WSCD2: variants seen among roughly 807,000 people sequenced by gnomAD.
The protein encoded by WSCD2 is sialate:O-sulfotransferase 2.
In WSCD2, 28 loss-of-function variants were observed where a neutral mutation model predicts 55.7. The observed-to-expected ratio is 0.50, with a 90% CI of 0.37 to 0.69. The LOEUF (loss-of-function observed/expected upper bound fraction) is 0.69, where lower values mean the gene tolerates loss of function less well. WSCD2 is among the 30% of genes least tolerant of loss of function. The pLI is 0.00. For missense variants in WSCD2, 616 were observed against 762.1 expected, an observed-to-expected ratio of 0.81 and a Z score of 2.26; for synonymous variants, 301 against 301.9, an observed-to-expected ratio of 1.00 and a Z score of 0.03.
intron 1 of WSCD2, among the ~76,000 whole-genome samples, chr12:108,147,571 C>T (rs898505189): frequency 1.3e-5 from 2 of 152,136 alleles, no homozygotes; most frequent in African/African-American, 4.8e-5. Context: ...TTCTTCTAGA[C>T]ACTCAGGTCA....
intron 7 of WSCD2, 72 bp downstream of exon 7, chr12:108,232,967 G>C (rs1355206722): frequency 1.3e-6 from 2 of 1,562,838 alleles, no homozygotes; most frequent in African/African-American, 2.7e-5. Context: ...GGAGGGTATG[G>C]GAATACTCCT....
chr12:108,226,135 G>T (rs566869327), intron 5 of WSCD2, among the ~76,000 whole-genome samples: 1 of 152,092 alleles, frequency 6.6e-6, no homozygotes, highest in African/African-American at 2.4e-5. Context: ...CAGATCCACT[G>T]GCTAGTGGAT....
chr12:108,183,771 A>G (rs2137009085), intron 1 of WSCD2, among the ~76,000 whole-genome samples: 1 of 152,268 alleles, frequency 6.6e-6, no homozygotes, highest in East Asian at 1.9e-4. Flanking sequence ...ACAATGTCAC[A>G]TAGAGGTTAG....
At chr12:108,132,262 T>C (rs1875635987) in intron 1 of WSCD2, among the ~76,000 whole-genome samples, 1 of 152,178 alleles carries the variant, frequency 6.6e-6, no homozygotes, top group African/African-American at 2.4e-5. Flanking sequence ...AATTCCACTG[T>C]GTGCTTGCTT....
chr12:108,136,013 T>C (rs1876171726), intron 1 of WSCD2, among the ~76,000 whole-genome samples: 1 of 152,156 alleles, frequency 6.6e-6, no homozygotes, highest in African/African-American at 2.4e-5. Context: ...TCAGCCAGGG[T>C]CCTGAGCTTT....
intron 1 of WSCD2, among the ~76,000 whole-genome samples, chr12:108,185,107 C>T (rs1010946584): frequency 2.6e-5 from 4 of 152,202 alleles, no homozygotes; most frequent in African/African-American, 9.7e-5. Flanking sequence ...TTGAGGGCCA[C>T]ATTTCCCTGA....
intron 1 of WSCD2, among the ~76,000 whole-genome samples, chr12:108,174,414 C>A (rs1229021216): frequency 1.3e-5 from 2 of 152,224 alleles, no homozygotes; most frequent in African/African-American, 4.8e-5. Context: ...TAGAGACAAT[C>A]ATGGATTTTG....
intron 2 of WSCD2, among the ~76,000 whole-genome samples, chr12:108,205,359 A>G (rs1000001833): frequency 1.8e-4 from 27 of 152,344 alleles, no homozygotes; most frequent in African/African-American, 6.3e-4. Flanking sequence ...CAAGGAGACA[A>G]TGTATGTAAA....
At position 108,210,099 on chromosome 12, in the gene WSCD2, G is replaced by A. The variant is rs1363818827; in HGVS notation, c.498-22G>A. ...GGGTCTCCATGGTGGCAGCTACCCT[G>A]CTTGACAGCAGCCTCCCCCAGGGGT... is the stretch of plus-strand genomic sequence containing the variant. On this transcript the variant is annotated intron_variant, in intron 3 of 8. Coordinates refer to ENST00000547525, the MANE Select transcript of WSCD2 (RefSeq NM_014653.4). This position sits in a 1 kb window ranked among gnomAD's most constrained non-coding sequence, Gnocchi z 4.3. 1.2e-5 allele frequency: 20 copies of A among 1,613,848 alleles called. No homozygotes were observed. Among genetic ancestry groups the A allele is most frequent in the Non-Finnish European group, 1.7e-5 (20 of 1,179,984 alleles).
At position 108,248,915 on chromosome 12, in the gene WSCD2, T is replaced by C. The variant is rs1490175491; in HGVS notation, c.*572T>C. 2.0e-6 allele frequency: 2 copies of C among 987,898 alleles called. No individual in the cohort carries two copies. The highest frequency in any genetic ancestry group is 6.0e-5 in the Admixed American group (1 of 16,776). The allele number at this position is 987,898 out of a possible 1,614,324, so 61.2% of individuals were successfully genotyped here. On this transcript the variant is annotated 3_prime_UTR_variant, in exon 9 of 9. Coordinates refer to ENST00000547525, the MANE Select transcript of WSCD2 (RefSeq NM_014653.4). This position sits in a 1 kb window ranked among gnomAD's most constrained non-coding sequence, Gnocchi z 4.3. Reference sequence around the variant, plus strand: ...CTTAGGTTTCTGACATCCTGGATAGTGTGGGGAGGTAATGGTGCTCACAGT... The same window carrying C: ...CTTAGGTTTCTGACATCCTGGATAGCGTGGGGAGGTAATGGTGCTCACAGT...
intron 6 of WSCD2, among the ~76,000 whole-genome samples, chr12:108,230,441 C>T (rs4497454): frequency 0.18 from 27,929 of 152,078 alleles, 2,748 homozygotes; most frequent in African/African-American, 0.25. Flanking sequence ...ATGTTTGTCT[C>T]AATCTAACAC....
At chr12:108,241,963 G>A (rs184542102) in intron 8 of WSCD2, among the ~76,000 whole-genome samples, 128 of 152,320 alleles carry the variant, frequency 8.4e-4, no homozygotes, top group African/African-American at 3.0e-3. Flanking sequence ...CAGAGCCCAC[G>A]CTCTTCAGCA....
chr12:108,234,276 C>T (rs901095494), intron 7 of WSCD2, among the ~76,000 whole-genome samples: 1 of 152,196 alleles, frequency 6.6e-6, no homozygotes, highest in East Asian at 1.9e-4. Context: ...TAACCAGGCA[C>T]AGCTTGGTGC....
rs1183671805 is a variant in WSCD2, at chr12:108,249,128, G to A, written c.*785G>A. The A allele has an allele frequency of 6.2e-6, 1 of 160,816 alleles. No individual in the cohort carries two copies. Among genetic ancestry groups the A allele is most frequent in the Non-Finnish European group, 1.3e-5 (1 of 75,568 alleles). 10.0% of individuals were successfully genotyped at this position (160,816 alleles called of 1,614,324 possible). Reference sequence around the variant, plus strand: ...CTTCAAGGAACCTCAGGCACCAACAGTGAGCCCACGAGGATGGTCACATGC... The same window carrying A: ...CTTCAAGGAACCTCAGGCACCAACAATGAGCCCACGAGGATGGTCACATGC... On this transcript the variant is annotated 3_prime_UTR_variant, in exon 9 of 9. Transcript: ENST00000547525.
At chr12:108,173,101 C>T (rs1460144699) in intron 1 of WSCD2, among the ~76,000 whole-genome samples, 1 of 152,092 alleles carries the variant, frequency 6.6e-6, no homozygotes, top group Non-Finnish European at 1.5e-5. Context: ...TCCCAGACTC[C>T]AGAACTTTGA....
intron 1 of WSCD2, among the ~76,000 whole-genome samples, chr12:108,163,474 C>T (rs552184489): frequency 6.6e-6 from 1 of 152,186 alleles, no homozygotes; most frequent in Admixed American, 6.5e-5. Flanking sequence ...CAAACCTGTC[C>T]ACGTTCAAAT....
intron 1 of WSCD2, among the ~76,000 whole-genome samples, chr12:108,181,722 T>C (rs527605672): frequency 2.0e-5 from 3 of 152,266 alleles, no homozygotes; most frequent in African/African-American, 7.2e-5. Context: ...CTTGCCAAGG[T>C]CTTGAGTTAA....
intron 1 of WSCD2, among the ~76,000 whole-genome samples, chr12:108,178,893 G>A (rs574126291): frequency 6.6e-6 from 1 of 152,308 alleles, no homozygotes; most frequent in South Asian, 2.1e-4. Flanking sequence ...CTGAGTAGTA[G>A]TTTGTGGTAA....
chr12:108,135,520 CT>C (rs1161043417), intron 1 of WSCD2, among the ~76,000 whole-genome samples: 3 of 152,262 alleles, frequency 2.0e-5, no homozygotes, highest in African/African-American at 7.2e-5. Flanking sequence ...TCCTCCTATT[CT>C]TTCTCCTCCT....
Sources: gnomAD v4.1 joint callset for allele counts (sites outside exome capture counted in the v4.1 genomes callset) on GRCh38, gnomAD v4.1.1 for gene constraint, Gnocchi (gnomAD v3.1) non-coding constraint, MANE v1.5 for transcripts, NCBI Gene and HGNC (gene_info 2026-07-23, HGNC 2026-07-21) for gene names.